BARD1: variants seen among roughly 807,000 people sequenced by gnomAD.
BARD1 encodes BRCA1-associated RING domain protein 1.
BARD1 carries 73 observed loss-of-function variants against 77.0 expected under a neutral mutation model. The ratio of observed to expected loss-of-function variants is 0.95; its 90% CI spans 0.79 to 1.15. The LOEUF (loss-of-function observed/expected upper bound fraction) is 1.15, where lower values mean the gene tolerates loss of function less well. BARD1 is among the 50% of genes most tolerant of loss of function. The pLI, the probability that BARD1 is intolerant of heterozygous loss-of-function variation, is 0.00. For missense variants in BARD1, 993 were observed against 938.8 expected, an observed-to-expected ratio of 1.06 and a Z score of -0.75; for synonymous variants, 384 against 338.0, an observed-to-expected ratio of 1.14 and a Z score of -1.49.
At chr2:214,791,946 T>A (rs1026152034) in intron 3 of BARD1, among the ~76,000 whole-genome samples, 1 of 152,076 alleles carries the variant, frequency 6.6e-6, no homozygotes, top group Non-Finnish European at 1.5e-5. Context: ...TTATTTCACC[T>A]CTCTGGACCT....
intron 2 of BARD1, among the ~76,000 whole-genome samples, chr2:214,792,836 C>T (rs1542173): frequency 0.74 from 112,374 of 152,032 alleles, 41,766 homozygotes; most frequent in East Asian, 0.79. Flanking sequence ...GAAAGACCTT[C>T]TGTTTTGTTT....
At chr2:214,730,194 T>A in intron 10 of BARD1, 1 of 564,758 alleles carries the variant, frequency 1.8e-6, no homozygotes, top group Non-Finnish European at 3.2e-6. Context: ...TATGGCAATG[T>A]TCAAGATGCC....
At chr2:214,745,573 G>A in intron 8 of BARD1, 149 bp downstream of exon 8, 1 of 958,842 alleles carries the variant, frequency 1.0e-6, no homozygotes, top group African/African-American at 1.7e-5. Flanking sequence ...GTTTATTACT[G>A]AAAAAAAATT....
chr2:214,781,447 T>C lies in BARD1; in HGVS notation c.427A>G (p.Ile143Val), dbSNP rs1060501289. 7.4e-6 allele frequency: 12 copies of C among 1,613,314 alleles called. No homozygotes were observed. The highest frequency in any genetic ancestry group is 1.3e-5 in the African/African-American group (1 of 74,912). The change falls in exon 4 of 11, where the codon ATT (isoleucine) becomes GTT (valine). Residue 143 changes from isoleucine to valine, a missense_variant. Transcript: ENST00000260947. ...CTTCGAGGGCTAAACCACATTTTAA[T>C]TGAATTCTTCTTGTTTCCTGCATCA... Reference protein sequence around the residue: ...FNDAGNKKNSIKMWFSPRSKK... With the variant: ...FNDAGNKKNSVKMWFSPRSKK...
At chr2:214,783,975 T>C (rs1415276404) in intron 3 of BARD1, among the ~76,000 whole-genome samples, 1 of 152,078 alleles carries the variant, frequency 6.6e-6, no homozygotes, top group African/African-American at 2.4e-5. Context: ...ACTTCAAGAC[T>C]AAAACAATGT....
At chr2:214,794,884 C>T (rs12473175) in intron 2 of BARD1, among the ~76,000 whole-genome samples, 47,056 of 152,040 alleles carry the variant, frequency 0.31, 7,548 homozygotes, top group East Asian at 0.57. Context: ...TTCTTTCCTA[C>T]GTTCATGTCA....
chr2:214,792,477 A>T (rs1695575541), intron 2 of BARD1, 32 bp from the exon 3 acceptor site: 1 of 1,492,692 alleles, frequency 6.7e-7, no homozygotes, highest in African/African-American at 1.4e-5. Context: ...AAAAAAAAGC[A>T]ACCCATTCAG....
At position 214,781,352 on chromosome 2, in the gene BARD1, A is replaced by G. The variant is rs1060504190; in HGVS notation, c.522T>C (p.Ser174=). 5.6e-6 allele frequency: 9 copies of G among 1,613,764 alleles called. No homozygotes were observed. Among genetic ancestry groups the G allele is most frequent in the Non-Finnish European group, 7.6e-6 (9 of 1,179,924 alleles). The change falls in exon 4 of 11, where the codon AGT becomes AGC. Residue 174 remains serine (S), a synonymous_variant. Transcript: ENST00000260947. ...CAAATTCATATGAGTCTTGCTGAGCACTTGCATCTTTTTTTATTGCAGGCT... is the reference window on the plus strand; with the variant it reads ...CAAATTCATATGAGTCTTGCTGAGCGCTTGCATCTTTTTTTATTGCAGGCT... ...QTQPAIKKDA[S]AQQDSYEFVS...
At chr2:214,792,009 C>T (rs1344976614) in intron 3 of BARD1, among the ~76,000 whole-genome samples, 1 of 151,890 alleles carries the variant, frequency 6.6e-6, no homozygotes, top group Non-Finnish European at 1.5e-5. Context: ...CTCTATGGTT[C>T]CCGTCATTTC....
In BARD1 at chr2:214,781,369, T is replaced by G. The variant is rs765494437; in HGVS notation, c.505A>C (p.Ile169Leu). 3 of 1,613,672 alleles carry G rather than the reference T, an allele frequency of 1.9e-6. No individual in the cohort carries two copies. The highest frequency in any genetic ancestry group is 2.5e-6 in the Non-Finnish European group (3 of 1,179,924). ...SKASVQTQPA[I>L]KKDASAQQDS... is the part of the protein sequence containing the mutation. The stretch of plus-strand genomic sequence containing the variant: ...TGCTGAGCACTTGCATCTTTTTTTA[T>G]TGCAGGCTGGGTTTGCACTGAAGCT... Residue 169 changes from isoleucine (I) to leucine (L), a missense_variant, in exon 4 of 11, where the codon ATA (isoleucine) becomes CTA (leucine). Transcript: ENST00000260947.
intron 7 of BARD1, among the ~76,000 whole-genome samples, chr2:214,751,693 T>C (rs541394662): frequency 6.6e-6 from 1 of 152,298 alleles, no homozygotes; most frequent in Non-Finnish European, 1.5e-5. Flanking sequence ...CTATTCGATA[T>C]CTCCATTTCA....
At chr2:214,738,721 G>A (rs1412581411) in intron 9 of BARD1, among the ~76,000 whole-genome samples, 7 of 152,068 alleles carry the variant, frequency 4.6e-5, no homozygotes, top group African/African-American at 1.7e-4. Context: ...CAATGAAGAT[G>A]GAAGAAAACT....
At chr2:214,757,540 A>G (rs918574159) in intron 6 of BARD1, among the ~76,000 whole-genome samples, 1 of 152,152 alleles carries the variant, frequency 6.6e-6, no homozygotes, top group Non-Finnish European at 1.5e-5. Context: ...ATTAATATAC[A>G]TAATGCATGA....
intron 4 of BARD1, 47 bp from the exon 5 acceptor site, chr2:214,769,359 A>G: frequency 6.8e-7 from 1 of 1,470,432 alleles, no homozygotes; most frequent in East Asian, 2.3e-5. Context: ...AAGGAAAGAA[A>G]GGAAAATATT....
intron 7 of BARD1, among the ~76,000 whole-genome samples, chr2:214,750,797 C>T (rs763027579): frequency 5.3e-5 from 8 of 152,010 alleles, no homozygotes; most frequent in African/African-American, 1.7e-4. Flanking sequence ...GGCAATCATT[C>T]GACAACCATT....
At chr2:214,779,027 T>C (rs1397427275) in intron 4 of BARD1, among the ~76,000 whole-genome samples, 4 of 152,192 alleles carry the variant, frequency 2.6e-5, no homozygotes, top group African/African-American at 7.2e-5. Context: ...GTACATATAA[T>C]ATACATATAT....
At position 214,767,522 on chromosome 2, in the gene BARD1, C is replaced by G; in HGVS notation, c.1528G>C (p.Val510Leu). 1 of 1,614,020 alleles carries G rather than the reference C, an allele frequency of 6.2e-7. No homozygotes were observed. The highest frequency in any genetic ancestry group is 8.5e-7 in the Non-Finnish European group (1 of 1,179,908). ...DAAKNGHVDI[V>L]KLLLSYGASR... ...GCTCCATAGGAAAGTAACAGCTTGA[C>G]TATATCCACATGCCCATTCTTGGCT... Residue 510 changes from valine to leucine, a missense_variant, in exon 6 of 11, where the codon GTC (valine) becomes CTC (leucine). Coordinates refer to ENST00000260947, the MANE Select transcript of BARD1 (RefSeq NM_000465.4).
chr2:214,803,782 T>C (rs1696141149), intron 1 of BARD1, among the ~76,000 whole-genome samples: 1 of 152,192 alleles, frequency 6.6e-6, no homozygotes, highest in Admixed American at 6.5e-5. Flanking sequence ...CTGTGTCTTT[T>C]TCTTTTCCAA....
intron 5 of BARD1, among the ~76,000 whole-genome samples, chr2:214,768,793 T>C (rs555987240): frequency 2.0e-5 from 3 of 152,376 alleles, no homozygotes; most frequent in African/African-American, 7.2e-5. Flanking sequence ...CTGCCTTATA[T>C]ATCTACAATT....
Sources: gnomAD v4.1 joint callset for allele counts (sites outside exome capture counted in the v4.1 genomes callset) on GRCh38, gnomAD v4.1.1 for gene constraint, MANE v1.5 for transcripts, NCBI Gene and HGNC (gene_info 2026-07-23, HGNC 2026-07-21) for gene names.